The following SACS variants were observed in gnomAD, a reference collection of about 807,000 sequenced individuals.
SACS encodes the protein sacsin.
SACS carries 197 observed loss-of-function variants against 348.0 expected under a neutral mutation model. The ratio of observed to expected loss-of-function variants is 0.57; its 90% confidence interval spans 0.50 to 0.64. The LOEUF (loss-of-function observed/expected upper bound fraction) is 0.64, where lower values mean the gene tolerates loss of function less well. SACS is among the 30% of genes least tolerant of loss of function. The pLI is 0.00. For missense variants in SACS, 4,999 were observed against 5,360.8 expected (o/e 0.93, Z 2.11); for synonymous variants, 1,985 against 1,910.6 (o/e 1.04, Z -1.02).
In SACS at chr13:23,360,552, C is replaced by G. The variant is rs1870665921; in HGVS notation, c.458-2071G>C. Among the ~76,000 whole-genome samples the G allele has an allele frequency of 2.6e-5, 4 of 152,258 alleles. No individual in the cohort carries two copies. In the South Asian group the frequency reaches 8.3e-4, roughly 32 times the overall value. On this transcript the variant is annotated intron_variant, in intron 6 of 9. Coordinates refer to ENST00000382292, the MANE Select transcript of SACS (RefSeq NM_014363.6). ...CACGCACATGACATTACCAGGAACACAGTCCGCCTTGCCTGAAGGACACCC... is the reference window on the plus strand; with the variant it reads ...CACGCACATGACATTACCAGGAACAGAGTCCGCCTTGCCTGAAGGACACCC...
At chr13:23,346,011 C>T (rs1384707565) in intron 9 of SACS, among the ~76,000 whole-genome samples, 1 of 152,148 alleles carries the variant, frequency 6.6e-6, no homozygotes, top group African/African-American at 2.4e-5. Flanking sequence ...TTCCTCTGCA[C>T]ACCCAGGACG....
chr13:23,392,256 T>A (rs1008814), intron 2 of SACS, among the ~76,000 whole-genome samples: 76,488 of 152,026 alleles, frequency 0.5, 19,896 homozygotes, highest in East Asian at 0.8. Flanking sequence ...ACACTTGGTA[T>A]GCCTCTCCCC....
intron 1 of SACS, among the ~76,000 whole-genome samples, chr13:23,426,639 C>CAA (rs34125695): frequency 8.8e-6 from 1 of 113,098 alleles, no homozygotes; most frequent in Non-Finnish European, 1.9e-5. Flanking sequence ...GACTCCGTCT[C>CAA]AAAAAAAAAA....
rs765818580 is a variant in SACS at position 23,330,590 on chromosome 13, G to A, written c.13286C>T (p.Ser4429Phe). Residue 4429 changes from serine to phenylalanine, a missense_variant, in exon 10 of 10, where the codon TCT becomes TTT. Ser to Phe is a radical substitution (Grantham distance 155). Around this residue, in one of 6 missense-constraint regions of SACS, gnomAD observed 254 missense variants for 275.1 expected, o/e 0.92. Transcript: ENST00000382292. ...AGTGGGAGGAACAAAGAACCTTTGA[G>A]AGTAAGTCTGTCCGGCTGAAGGGGG... ...KCPPSAGQTY[S>F]QRFFVPPTFK... 58 of 1,613,902 alleles carry A rather than the reference G, an allele frequency of 3.6e-5. No homozygotes were observed. Among genetic ancestry groups the A allele is most frequent in the Non-Finnish European group, 4.7e-5 (56 of 1,180,016 alleles).
intron 9 of SACS, among the ~76,000 whole-genome samples, chr13:23,345,057 A>T (rs1364494391): frequency 6.6e-6 from 1 of 152,210 alleles, no homozygotes; most frequent in Non-Finnish European, 1.5e-5. Flanking sequence ...ACATTCAACC[A>T]GACTCCTCCA....
intron 7 of SACS, 28 bp downstream of exon 7, chr13:23,358,307 A>G: frequency 6.2e-7 from 1 of 1,607,542 alleles, no homozygotes; most frequent in Non-Finnish European, 8.5e-7. Flanking sequence ...ATTTTCTAAT[A>G]CCAAGACCGA....
intron 2 of SACS, among the ~76,000 whole-genome samples, chr13:23,393,918 G>C (rs1232672195): frequency 1.3e-5 from 2 of 152,040 alleles, no homozygotes; most frequent in Admixed American, 1.3e-4. Flanking sequence ...CTGCCACCGC[G>C]CCCGGCTAAT....
intron 6 of SACS, among the ~76,000 whole-genome samples, chr13:23,362,581 CTTT>C (rs34351648): frequency 7.2e-5 from 8 of 111,880 alleles, no homozygotes; most frequent in South Asian, 6.2e-4. Context: ...TAATACATTC[CTTT>C]TTTTTTTTTT....
chr13:23,426,939 C>T (rs9552958), intron 1 of SACS: 17,124 of 152,120 alleles, frequency 0.11, 1,240 homozygotes, highest in East Asian at 0.33. Context: ...AACCTCATTT[C>T]CTTCTTCCTC....
intron 6 of SACS, among the ~76,000 whole-genome samples, chr13:23,360,495 T>C (rs950984134): frequency 5.3e-5 from 8 of 151,634 alleles, no homozygotes; most frequent in Non-Finnish European, 1.0e-4. Context: ...ACAAGGTCTG[T>C]GGAAGGAAAT....
At position 23,353,858 on chromosome 13, in the gene SACS, A is replaced by G. The variant is rs1870135106; in HGVS notation, c.2112T>C (p.Leu704=). The G allele has an allele frequency of 1.2e-6, 2 of 1,606,152 alleles. No individual in the cohort carries two copies. The highest frequency in any genetic ancestry group is 8.5e-7 in the Non-Finnish European group (1 of 1,172,832). Residue 704 remains leucine, a synonymous_variant, in exon 9 of 10, where the codon CTT becomes CTC. Coordinates refer to ENST00000382292, the MANE Select transcript of SACS (RefSeq NM_014363.6). ...AEYPRSLFPS[L]EGRFILDNLK... ...AGTTATCCAAAATAAATCTTCCTTCAAGACTTGGGAAAAGGGACCTGAAAA... is the reference window on the plus strand; with the variant it reads ...AGTTATCCAAAATAAATCTTCCTTCGAGACTTGGGAAAAGGGACCTGAAAA...
chr13:23,356,081 T>C (rs1870369100), intron 7 of SACS, 74 bp from the exon 8 acceptor site: 1 of 1,278,916 alleles, frequency 7.8e-7, no homozygotes, highest in Non-Finnish European at 1.1e-6. Context: ...ATAATAAATA[T>C]ATGAAAAAGC....
chr13:23,356,095 AG>A (rs1870369587), intron 7 of SACS, 88 bp from the exon 8 acceptor site: 1 of 1,170,364 alleles, frequency 8.5e-7, no homozygotes, highest in African/African-American at 1.5e-5. Context: ...AAAAAGCATG[AG>A]CCATTAAATG....
chr13:23,338,585 A>G lies in SACS; in HGVS notation c.5291T>C (p.Val1764Ala). 6.2e-7 allele frequency: 1 copy of G among 1,614,088 alleles called. No individual in the cohort carries two copies. The highest frequency in any genetic ancestry group is 8.5e-7 in the Non-Finnish European group (1 of 1,179,994). The change falls in exon 10 of 10, where the codon GTG becomes GCG. Residue 1764 changes from valine to alanine, a missense_variant. This residue lies in a region of SACS where 3,156 missense variants were observed against 3,380.1 expected (regional missense o/e 0.93). Transcript: ENST00000382292. Reference protein sequence around the residue: ...PKSSCILQITVEEFHHVFRRI... With the variant: ...PKSSCILQITAEEFHHVFRRI... ...TCTGAACACATGGTGAAATTCTTCC[A>G]CTGTGATCTGAAGAATGCAAGATGA...
chr13:23,347,587 T>C (rs758452237), intron 9 of SACS, among the ~76,000 whole-genome samples: 8 of 152,242 alleles, frequency 5.3e-5, no homozygotes, highest in Admixed American at 3.3e-4. Context: ...GCAATACTGA[T>C]TGAGTGCTAG....
Position 23,334,526 on chromosome 13 carries a change from A to G in SACS, c.9350T>C (p.Leu3117Pro). ...SPDTNCHIGK[L>P]PCRLQQTNLK... ...ATTAGTCTGCTGCAGACGACAAGGC[A>G]GCTTCCCAATATGGCAATTAGTGTC... Residue 3117 changes from leucine to proline, a missense_variant, in exon 10 of 10, where the codon CTG (leucine) becomes CCG (proline). Physicochemically the swap from Leu to Pro is moderately conservative, Grantham distance 98. This residue lies in a region of SACS where 734 missense variants were observed against 694.0 expected (regional missense o/e 1.06). Coordinates refer to ENST00000382292, the MANE Select transcript of SACS (RefSeq NM_014363.6). The G allele has an allele frequency of 1.9e-6, 3 of 1,613,550 alleles. No homozygotes were observed. Among genetic ancestry groups the G allele is most frequent in the Non-Finnish European group, 2.5e-6 (3 of 1,179,762 alleles).
intron 2 of SACS, among the ~76,000 whole-genome samples, chr13:23,389,756 C>A (rs1447248011): frequency 2.0e-5 from 3 of 152,200 alleles, no homozygotes; most frequent in Non-Finnish European, 2.9e-5. Flanking sequence ...TGTCTAAAAT[C>A]TGTTCTTTTT....
Position 23,336,324 on chromosome 13 carries a change from GTGT to G in SACS, c.7549_7551del (p.Thr2517del). On this transcript the variant is annotated inframe_deletion, in exon 10 of 10. Transcript: ENST00000382292. ...TCTTTCTGCCCAAATTCTGTGCCAA[GTGT>G]TGTAAAACAGACATTGGATGCATAT... The G allele has an allele frequency of 6.2e-7, 1 of 1,614,076 alleles. No individual in the cohort carries two copies. Among genetic ancestry groups the G allele is most frequent in the Non-Finnish European group, 8.5e-7 (1 of 1,179,952 alleles).
chr13:23,415,731 AAAG>A (rs1444739000), intron 1 of SACS, among the ~76,000 whole-genome samples: 1 of 152,214 alleles, frequency 6.6e-6, no homozygotes, highest in Non-Finnish European at 1.5e-5. Flanking sequence ...TGTATTATGA[AAAG>A]AAACTTTCCA....
Sources: allele counts gnomAD v4.1 joint callset (sites outside exome capture counted in the v4.1 genomes callset), GRCh38; gene constraint gnomAD v4.1.1; regional missense constraint gnomAD v4.1.1; transcripts MANE v1.5; gene names NCBI Gene and HGNC (gene_info 2026-07-23, HGNC 2026-07-21).